The following PLCXD3 variants were observed in gnomAD, a reference collection of about 807,000 sequenced individuals.
The protein encoded by PLCXD3 is phosphatidylinositol specific phospholipase C X domain containing 3.
A neutral mutation model predicts 25.5 loss-of-function variants in PLCXD3; 19 were observed. The observed-to-expected ratio is 0.75, with a 90% CI of 0.52 to 1.09. The LOEUF (loss-of-function observed/expected upper bound fraction) is 1.09. Among genes scored for constraint, PLCXD3 ranks in the 50% least tolerant of loss-of-function variants. PLCXD3 has a pLI of 0.00. For synonymous variants in PLCXD3, 174 were observed against 137.6 expected, an observed-to-expected ratio of 1.26 and a Z score of -1.85; for missense variants, 411 against 388.1, an observed-to-expected ratio of 1.06 and a Z score of -0.50.
chr5:41,498,612 C>CA (rs1303222739), intron 1 of PLCXD3, among the ~76,000 whole-genome samples: 2 of 151,548 alleles, frequency 1.3e-5, no homozygotes, highest in Non-Finnish European at 3.0e-5. Flanking sequence ...CACACTCTTC[C>CA]AAAAAAACTG....
chr5:41,399,017 A>G (rs571432711), intron 1 of PLCXD3, among the ~76,000 whole-genome samples: 1 of 152,138 alleles, frequency 6.6e-6, no homozygotes. Context: ...AGGATATAAA[A>G]TCAACATACA....
At position 41,510,564 on chromosome 5, in the gene PLCXD3, C is replaced by T. The variant is rs1739034185; in HGVS notation, c.-38G>A. The stretch of plus-strand genomic sequence containing the variant: ...CGTGCAGCGCGCTGGTCCCAGCACT[C>T]CTCGGGCAGGCTGGCAGGCTGCTGC... On this transcript the variant is annotated 5_prime_UTR_variant, in exon 1 of 3. Coordinates refer to ENST00000377801, the MANE Select transcript of PLCXD3 (RefSeq NM_001005473.3). 6.4e-7 allele frequency: 1 copy of T among 1,554,172 alleles called. No homozygotes were observed. Among genetic ancestry groups the T allele is most frequent in the Admixed American group, 1.7e-5 (1 of 58,450 alleles).
intron 1 of PLCXD3, among the ~76,000 whole-genome samples, chr5:41,455,529 G>T (rs1257881621): frequency 6.6e-6 from 1 of 151,886 alleles, no homozygotes; most frequent in East Asian, 1.9e-4. Context: ...GGCAATGGCT[G>T]AACAGCACTA....
At chr5:41,345,794 A>G (rs891878540) in intron 2 of PLCXD3, among the ~76,000 whole-genome samples, 4 of 152,048 alleles carry the variant, frequency 2.6e-5, no homozygotes, top group African/African-American at 9.6e-5. Flanking sequence ...CTCCATATTT[A>G]ATTTTTGCTA....
At chr5:41,318,268 G>T (rs994732297) in intron 2 of PLCXD3, among the ~76,000 whole-genome samples, 2 of 152,134 alleles carry the variant, frequency 1.3e-5, no homozygotes, top group East Asian at 3.9e-4. Context: ...TACTGGTAAT[G>T]GTAAGTACAC....
chr5:41,382,625 C>T lies in PLCXD3; in HGVS notation c.104-91G>A, dbSNP rs549835971. ...TCTTGCAATATCCATACCTCTCCCTCAAATGAGCCACAGAAAATACTAAGA... is the reference window on the plus strand; with the variant it reads ...TCTTGCAATATCCATACCTCTCCCTTAAATGAGCCACAGAAAATACTAAGA... On this transcript the variant is annotated intron_variant, in intron 1 of 2. Transcript: ENST00000377801. 8.2e-6 allele frequency: 8 copies of T among 973,204 alleles called. No individual in the cohort carries two copies. The African/African-American group carries it at 1.3e-4, about 16-fold the overall frequency. 60.3% of individuals were successfully genotyped at this position (973,204 alleles called of 1,614,324 possible).
In PLCXD3 at chr5:41,321,870, T is replaced by A. The variant is rs538690110; in HGVS notation, c.813-8100A>T. On this transcript the variant is annotated intron_variant, in intron 2 of 2. Coordinates refer to ENST00000377801, the MANE Select transcript of PLCXD3 (RefSeq NM_001005473.3). ...GTGCTGGGAAAATTGGATATCCAGA[T>A]GCAAAAGAATAAAACTTGGCCACTA... Among the ~76,000 whole-genome samples, 5 of 152,186 alleles carry A rather than the reference T, an allele frequency of 3.3e-5. No individual in the cohort carries two copies. In the South Asian group the frequency reaches 8.3e-4, roughly 25 times the overall value.
chr5:41,352,958 T>G (rs1290691791), intron 2 of PLCXD3, among the ~76,000 whole-genome samples: 2 of 152,168 alleles, frequency 1.3e-5, no homozygotes, highest in Non-Finnish European at 2.9e-5. Context: ...TATGACGACT[T>G]TCTCATATGA....
intron 1 of PLCXD3, among the ~76,000 whole-genome samples, chr5:41,403,366 C>T (rs1746244891): frequency 1.0e-5 from 1 of 97,636 alleles, no homozygotes; most frequent in African/African-American, 4.0e-5. Flanking sequence ...ACTAAGAATA[C>T]CCATATGCCA....
At position 41,307,141 on chromosome 5, in the gene PLCXD3, C is replaced by G. The variant is rs1314235783; in HGVS notation, c.*6476G>C. On this transcript the variant is annotated 3_prime_UTR_variant, in exon 3 of 3. Coordinates refer to ENST00000377801, the MANE Select transcript of PLCXD3 (RefSeq NM_001005473.3). ...AAAAAGAGAAGGCACAGATCTGTCTCTCTCTGGTGAATTTCTGGTGTCTAA... is the reference window on the plus strand; with the variant it reads ...AAAAAGAGAAGGCACAGATCTGTCTGTCTCTGGTGAATTTCTGGTGTCTAA... 2.6e-5 allele frequency: 4 copies of G among 152,598 alleles called. No homozygotes were observed. Among genetic ancestry groups the G allele is most frequent in the Admixed American group, 6.6e-5 (1 of 15,266 alleles). The allele number at this position is 152,598 out of a possible 1,614,324, so 9.5% of individuals were successfully genotyped here.
chr5:41,455,500 G>A (rs989213863), intron 1 of PLCXD3, among the ~76,000 whole-genome samples: 1 of 151,804 alleles, frequency 6.6e-6, no homozygotes, highest in East Asian at 1.9e-4. Flanking sequence ...AGAGCAAAGG[G>A]GTAAGCCTTA....
chr5:41,448,336 G>T (rs756361549), intron 1 of PLCXD3, among the ~76,000 whole-genome samples: 6 of 152,180 alleles, frequency 3.9e-5, no homozygotes, highest in African/African-American at 1.2e-4. Flanking sequence ...GCTCAAGGCA[G>T]ATTTACTTGG....
At chr5:41,385,267 T>G (rs1016754692) in intron 1 of PLCXD3, among the ~76,000 whole-genome samples, 3 of 152,100 alleles carry the variant, frequency 2.0e-5, no homozygotes, top group African/African-American at 7.2e-5. Flanking sequence ...TACATTGACT[T>G]GGTATTCTTG....
chr5:41,410,055 G>A (rs1746470879), intron 1 of PLCXD3, among the ~76,000 whole-genome samples: 1 of 151,738 alleles, frequency 6.6e-6, no homozygotes, highest in Admixed American at 6.6e-5. Flanking sequence ...TAAGCTCTCA[G>A]AACTAACTCA....
chr5:41,433,328 T>C (rs1248678816), intron 1 of PLCXD3, among the ~76,000 whole-genome samples: 1 of 152,238 alleles, frequency 6.6e-6, no homozygotes, highest in Non-Finnish European at 1.5e-5. Context: ...CTAGTGCTCA[T>C]AATGTGAAAT....
At chr5:41,386,182 T>A (rs918616360) in intron 1 of PLCXD3, among the ~76,000 whole-genome samples, 1 of 152,142 alleles carries the variant, frequency 6.6e-6, no homozygotes, top group African/African-American at 2.4e-5. Context: ...AAATTAACTA[T>A]GGTTATGTTA....
intron 1 of PLCXD3, among the ~76,000 whole-genome samples, chr5:41,414,339 A>AT (rs1338564988): frequency 2.6e-5 from 4 of 151,904 alleles, no homozygotes; most frequent in Non-Finnish European, 4.4e-5. Context: ...AGTAGCTGGG[A>AT]TTATAGGTAT....
intron 2 of PLCXD3, among the ~76,000 whole-genome samples, chr5:41,372,744 C>T (rs1181442489): frequency 6.6e-6 from 1 of 151,906 alleles, no homozygotes; most frequent in Non-Finnish European, 1.5e-5. Context: ...CCAGAGAAAC[C>T]TTAAAAACTG....
intron 1 of PLCXD3, among the ~76,000 whole-genome samples, chr5:41,498,068 A>G (rs923200800): frequency 6.6e-6 from 1 of 151,786 alleles, no homozygotes. Flanking sequence ...AGAGATTTAC[A>G]GTAATAAATG....
Sources: allele counts gnomAD v4.1 joint callset (sites outside exome capture counted in the v4.1 genomes callset), GRCh38; gene constraint gnomAD v4.1.1; transcripts MANE v1.5; gene names NCBI Gene and HGNC (gene_info 2026-07-23, HGNC 2026-07-21).